NR2F1-AS1: variants seen among roughly 807,000 people sequenced by gnomAD.
NR2F1-AS1 encodes the protein NR2F1 antisense RNA 1.
intron 4 of NR2F1-AS1, among the ~76,000 whole-genome samples, chr5:93,431,923 A>G (rs1319461678): frequency 3.3e-5 from 5 of 152,172 alleles, no homozygotes; most frequent in African/African-American, 4.8e-5. Context: ...AGCTTTCAAA[A>G]GTCTTTGTTC....
At chr5:93,576,526 A>G (rs899400118) in intron 1 of NR2F1-AS1, among the ~76,000 whole-genome samples, 11 of 152,104 alleles carry the variant, frequency 7.2e-5, no homozygotes, top group Admixed American at 6.5e-4. Flanking sequence ...ACAGTTTAGA[A>G]GGAAATGTTA....
chr5:93,461,797 T>C (rs755008087), intron 4 of NR2F1-AS1, among the ~76,000 whole-genome samples: 2 of 152,216 alleles, frequency 1.3e-5, no homozygotes, highest in Non-Finnish European at 2.9e-5. Flanking sequence ...TAACGGACTA[T>C]AGAAGTAGGC....
At chr5:93,461,769 CT>C (rs2149863816) in intron 4 of NR2F1-AS1, among the ~76,000 whole-genome samples, 1 of 152,222 alleles carries the variant, frequency 6.6e-6, no homozygotes, top group South Asian at 2.1e-4. Flanking sequence ...AAGCACAACA[CT>C]TTGAATAACT....
chr5:93,473,339 T>C (rs1199126722), intron 4 of NR2F1-AS1, among the ~76,000 whole-genome samples: 3 of 151,966 alleles, frequency 2.0e-5, no homozygotes, highest in East Asian at 1.9e-4. Context: ...TCTTTAGCGA[T>C]AGAATAAATT....
intron 4 of NR2F1-AS1, among the ~76,000 whole-genome samples, chr5:93,512,074 T>C (rs956089687): frequency 6.6e-6 from 1 of 152,196 alleles, no homozygotes; most frequent in African/African-American, 2.4e-5. Context: ...TTCAGGAGCC[T>C]CAGGCAAGTC....
intron 4 of NR2F1-AS1, among the ~76,000 whole-genome samples, chr5:93,419,018 AC>A (rs1270704328): frequency 6.6e-6 from 1 of 152,216 alleles, no homozygotes; most frequent in East Asian, 1.9e-4. Flanking sequence ...AATCTATCTT[AC>A]AGAAATAGCA....
At chr5:93,562,791 T>C (rs895408386) in intron 2 of NR2F1-AS1, among the ~76,000 whole-genome samples, 1 of 152,204 alleles carries the variant, frequency 6.6e-6, no homozygotes. Flanking sequence ...GAGTATGCCT[T>C]TATCTACTCC....
At chr5:93,555,371 GAA>G (rs1752331537) in intron 2 of NR2F1-AS1, among the ~76,000 whole-genome samples, 1 of 152,158 alleles carries the variant, frequency 6.6e-6, no homozygotes. Flanking sequence ...GACAAGTACA[GAA>G]AAAGCATTCT....
chr5:93,577,061 C>T (rs951852584), intron 1 of NR2F1-AS1, among the ~76,000 whole-genome samples: 4 of 152,310 alleles, frequency 2.6e-5, no homozygotes, highest in African/African-American at 7.2e-5. Flanking sequence ...TCTAGCTTCA[C>T]TGGTGTGCTA....
At chr5:93,517,816 T>TTA (rs1360747155) in intron 4 of NR2F1-AS1, among the ~76,000 whole-genome samples, 1 of 152,128 alleles carries the variant, frequency 6.6e-6, no homozygotes, top group Non-Finnish European at 1.5e-5. Flanking sequence ...ACCAATACTT[T>TTA]TATGCCATAT....
chr5:93,442,083 G>C (rs953653236), intron 4 of NR2F1-AS1, among the ~76,000 whole-genome samples: 3 of 152,162 alleles, frequency 2.0e-5, no homozygotes, highest in Non-Finnish European at 1.5e-5. Context: ...GGGGTTCCAA[G>C]ATGGCCAAAT....
At chr5:93,520,363 G>A (rs1751477280) in intron 4 of NR2F1-AS1, among the ~76,000 whole-genome samples, 1 of 151,998 alleles carries the variant, frequency 6.6e-6, no homozygotes, top group South Asian at 2.1e-4. Flanking sequence ...CAAATCCACA[G>A]TCCCATTTTC....
At chr5:93,507,976 C>A (rs115375516) in intron 4 of NR2F1-AS1, among the ~76,000 whole-genome samples, 4,475 of 152,106 alleles carry the variant, frequency 0.029, 209 homozygotes, top group African/African-American at 0.1. Flanking sequence ...TAAATGGAAA[C>A]TTAAATGAAT....
chr5:93,473,407 G>A (rs569456117), intron 4 of NR2F1-AS1, among the ~76,000 whole-genome samples: 1 of 151,710 alleles, frequency 6.6e-6, no homozygotes, highest in Non-Finnish European at 1.5e-5. Context: ...TACTTAATCA[G>A]TATTGTCATC....
At chr5:93,461,245 T>C (rs976640182) in intron 4 of NR2F1-AS1, among the ~76,000 whole-genome samples, 1 of 152,106 alleles carries the variant, frequency 6.6e-6, no homozygotes, top group Non-Finnish European at 1.5e-5. Context: ...CAAATCCAAA[T>C]ACCACATGTT....
chr5:93,544,796 T>G (rs185411162), intron 4 of NR2F1-AS1: 26 of 151,878 alleles, frequency 1.7e-4, no homozygotes, highest in African/African-American at 6.0e-4. Flanking sequence ...GTGGTGCACC[T>G]GTAATCCCAG....
In NR2F1-AS1 at chr5:93,540,477, A is replaced by C. The variant is rs562956141; in HGVS notation, n.638+13284T>G. The stretch of plus-strand genomic sequence containing the variant: ...CTCTAGTATTTCACCCAATAGGCTC[A>C]AGGGGCTATTCTCATGGAATCTTAT... On this transcript the variant is annotated intron_variant and non_coding_transcript_variant, in intron 4 of 5. Transcript: ENST00000660523. Among the ~76,000 whole-genome samples, 170 of 152,292 alleles carry C rather than the reference A, an allele frequency of 1.1e-3. 1 individual carries two copies. The highest frequency in any genetic ancestry group is 3.7e-3 in the African/African-American group (154 of 41,580).
chr5:93,582,387 A>C (rs1249978784), upstream of NR2F1-AS1, among the ~76,000 whole-genome samples: 1 of 152,158 alleles, frequency 6.6e-6, no homozygotes, highest in Non-Finnish European at 1.5e-5. Context: ...CAATAGCTGC[A>C]AATTCCAGGA....
chr5:93,416,352 T>C (rs1748967270), intron 4 of NR2F1-AS1, among the ~76,000 whole-genome samples: 1 of 152,220 alleles, frequency 6.6e-6, no homozygotes, highest in South Asian at 2.1e-4. Context: ...TTTAAAATAT[T>C]ATTCTTTTTT....
Sources: allele counts gnomAD v4.1 joint callset (sites outside exome capture counted in the v4.1 genomes callset), GRCh38; gene constraint gnomAD v4.1.1; transcripts MANE v1.5; gene names NCBI Gene and HGNC (gene_info 2026-07-23, HGNC 2026-07-21).